Variants in PSMB6 observed in about 807,000 individuals in gnomAD.
PSMB6 encodes the protein proteasome subunit beta type-6.
Under a neutral mutation model 28.2 loss-of-function variants are expected in PSMB6, and 11 were observed. That is an observed-to-expected ratio of 0.39 (90% CI 0.25 to 0.65). PSMB6 has a LOEUF of 0.65. Among genes scored for constraint, PSMB6 ranks in the 30% least tolerant of loss-of-function variants. The pLI is 0.48. For missense variants in PSMB6, 268 were observed against 319.4 expected (o/e 0.84, Z 1.23); for synonymous variants, 126 against 117.7 (o/e 1.07, Z -0.45).
At chr17:4,797,088 T>G (rs956858112) in intron 2 of PSMB6, 2 of 434,276 alleles carry the variant, frequency 4.6e-6, no homozygotes, top group Non-Finnish European at 8.3e-6. Context: ...CCGAGGCGGG[T>G]GGATCACCTG....
intron 1 of PSMB6, 117 bp from the exon 2 acceptor site, chr17:4,796,611 A>C: frequency 9.8e-7 from 1 of 1,017,028 alleles, no homozygotes; most frequent in Non-Finnish European, 1.6e-6. Flanking sequence ...GGCCCCTATA[A>C]GATTTGAAAA....
Position 4,798,313 on chromosome 17 carries a change from G to GT in PSMB6, c.612dup (p.Gly205TrpfsTer?). On this transcript the variant is annotated frameshift_variant, in exon 6 of 6. Transcript: ENST00000270586. LOFTEE classifies it high-confidence loss of function. ...TTGGCCATGGAGCGGGATGGCTCCA[G>GT]TGGAGGAGTGATCCGCCTGGCAGCC... The GT allele has an allele frequency of 6.2e-7, 1 of 1,614,244 alleles. No homozygotes were observed. The highest frequency in any genetic ancestry group is 8.5e-7 in the Non-Finnish European group (1 of 1,180,044).
At chr17:4,798,194 A>G (rs749404827) in intron 5 of PSMB6, 41 bp downstream of exon 5, 1 of 1,613,602 alleles carries the variant, frequency 6.2e-7, no homozygotes, top group African/African-American at 1.3e-5. Flanking sequence ...TTCAACCCCA[A>G]CTACCCAAGC....
chr17:4,798,191 C>G, intron 5 of PSMB6, 38 bp downstream of exon 5: 2 of 1,613,520 alleles, frequency 1.2e-6, no homozygotes, highest in Non-Finnish European at 1.7e-6. Context: ...AGCTTCAACC[C>G]CAACTACCCA....
At chr17:4,797,368 G>A (rs1421243107) in intron 2 of PSMB6, 70 bp from the exon 3 acceptor site, 3 of 1,502,738 alleles carry the variant, frequency 2.0e-6, no homozygotes, top group African/African-American at 2.8e-5. Context: ...AGCCCTAAGA[G>A]AGTGGGTAGT....
At chr17:4,797,270 G>A (rs1452135905) in intron 2 of PSMB6, 168 bp from the exon 3 acceptor site, 22 of 780,164 alleles carry the variant, frequency 2.8e-5, no homozygotes, top group Admixed American at 6.3e-5. Flanking sequence ...AGCAGAGATC[G>A]CGTCACTGTA....
chr17:4,797,105 GGA>G (rs1905353179), intron 2 of PSMB6: 3 of 424,950 alleles, frequency 7.1e-6, no homozygotes, highest in Non-Finnish European at 1.3e-5. Flanking sequence ...CCTGAGGTCA[GGA>G]GTTCGAGACC....
At chr17:4,797,206 T>C in intron 2 of PSMB6, 1 of 515,078 alleles carries the variant, frequency 1.9e-6, no homozygotes, top group Non-Finnish European at 3.3e-6. Flanking sequence ...TCCCAGCTAC[T>C]TGGGAGGCTA....
rs540387474 is a variant in PSMB6 at position 4,797,978 on chromosome 17, G to A, written c.433-31G>A. ...TGTACGTGTGTTGGAGGGAGGATAC[G>A]ACTGGTGACTCCTCTCCTTCTATCT... On this transcript the variant is annotated intron_variant, in intron 4 of 5. Transcript: ENST00000270586. 2.5e-5 allele frequency: 40 copies of A among 1,613,440 alleles called. No individual in the cohort carries two copies. In the South Asian group the frequency reaches 4.0e-4, roughly 16 times the overall value.
chr17:4,797,307 T>G (rs372151134), intron 2 of PSMB6, 131 bp from the exon 3 acceptor site: 1 of 1,166,136 alleles, frequency 8.6e-7, no homozygotes, highest in Non-Finnish European at 1.2e-6. Context: ...AGAGCGAGAC[T>G]CCATCTCAAA....
At chr17:4,797,060 T>A (rs113658283) in intron 2 of PSMB6, 4 of 481,000 alleles carry the variant, frequency 8.3e-6, no homozygotes, top group African/African-American at 5.9e-5. Context: ...ACGCCTGTAA[T>A]CCCAGTACTT....
Position 4,796,738 on chromosome 17 carries a change from T to C in PSMB6, c.113T>C (p.Met38Thr). The change falls in exon 2 of 6, where the codon ATG becomes ACG. Residue 38 changes from methionine (M) to threonine (T), a missense_variant. By Grantham distance (81) the Met-to-Thr change is moderately conservative. Transcript: ENST00000270586. ...SREVSTGTTIMAVQFDGGVVL... is the reference protein window; with the variant it reads ...SREVSTGTTITAVQFDGGVVL... ...TTTCCCTTTTCCCAGACCACTATCA[T>C]GGCCGTGCAGTTTGACGGGGGCGTG... The C allele has an allele frequency of 2.5e-6, 4 of 1,606,088 alleles. No individual in the cohort carries two copies. The highest frequency in any genetic ancestry group is 1.7e-4 in the Middle Eastern group (1 of 6,048).
intron 1 of PSMB6, 67 bp from the exon 2 acceptor site, chr17:4,796,661 G>A (rs1567516969): frequency 7.1e-7 from 1 of 1,401,446 alleles, no homozygotes; most frequent in Non-Finnish European, 1.0e-6. Flanking sequence ...TTGGAACTAG[G>A]TAGAGAGATC....
Position 4,797,730 on chromosome 17 carries a change from T to C in PSMB6, c.351T>C (p.Phe117=), listed in dbSNP as rs1905382817. 2 of 1,614,096 alleles carry C rather than the reference T, an allele frequency of 1.2e-6. No individual in the cohort carries two copies. The highest frequency in any genetic ancestry group is 8.5e-7 in the Non-Finnish European group (1 of 1,180,024). Residue 117 remains phenylalanine (F), a synonymous_variant, in exon 4 of 6, where the codon TTT becomes TTC. Coordinates refer to ENST00000270586, the MANE Select transcript of PSMB6 (RefSeq NM_002798.3). ...TGGTCCACACAGCAGCCAGCCTCTTTAAGGAGATGTGTTACCGATACCGGG... is the reference window on the plus strand; with the variant it reads ...TGGTCCACACAGCAGCCAGCCTCTTCAAGGAGATGTGTTACCGATACCGGG... ...PPLVHTAASL[F]KEMCYRYRED... is the part of the protein sequence containing the mutation.
rs1905412277 is a variant in PSMB6, at chr17:4,798,412, C to T, written c.710C>T (p.Pro237Leu). The T allele has an allele frequency of 2.5e-6, 4 of 1,614,094 alleles. No homozygotes were observed. The African/African-American group carries it at 4.0e-5, about 16-fold the overall frequency. Residue 237 changes from proline to leucine, a missense_variant, in exon 6 of 6, where the codon CCA (proline) becomes CTA (leucine). Pro to Leu is a moderately conservative substitution (Grantham distance 98). Coordinates refer to ENST00000270586, the MANE Select transcript of PSMB6 (RefSeq NM_002798.3). ...QIPKFAVATL[P>L]PA ...CCCAAATTCGCCGTTGCCACTTTACCACCCGCCTGAATCCTGGGATTCTAG... is the reference window on the plus strand; with the variant it reads ...CCCAAATTCGCCGTTGCCACTTTACTACCCGCCTGAATCCTGGGATTCTAG...
rs143180926 is a variant in PSMB6 at position 4,798,398 on chromosome 17, C to T, written c.696C>T (p.Ala232=). 8.6e-5 allele frequency: 138 copies of T among 1,614,036 alleles called. No homozygotes were observed. Among genetic ancestry groups the T allele is most frequent in the Non-Finnish European group, 1.1e-4 (127 of 1,180,030 alleles). The change falls in exon 6 of 6, where the codon GCC becomes GCT. Residue 232 remains alanine (A), a synonymous_variant. Coordinates refer to ENST00000270586, the MANE Select transcript of PSMB6 (RefSeq NM_002798.3). The part of the protein sequence containing the change: ...VLLGDQIPKF[A]VATLPPA Reference sequence around the variant, plus strand: ...TGGGAGACCAGATACCCAAATTCGCCGTTGCCACTTTACCACCCGCCTGAA... The same window carrying T: ...TGGGAGACCAGATACCCAAATTCGCTGTTGCCACTTTACCACCCGCCTGAA...
At chr17:4,796,701 G>A (rs377737276) in intron 1 of PSMB6, 27 bp from the exon 2 acceptor site, 242 of 1,553,538 alleles carry the variant, frequency 1.6e-4, no homozygotes, top group Non-Finnish European at 1.9e-4. Flanking sequence ...GGAGAATGTA[G>A]ACTTACTCCT....
chr17:4,797,287 C>T, intron 2 of PSMB6, 151 bp from the exon 3 acceptor site: 1 of 973,542 alleles, frequency 1.0e-6, no homozygotes, highest in Non-Finnish European at 1.5e-6. Flanking sequence ...TGTACTCCAG[C>T]CTGGGCAACA....
rs1057277968 is a variant in PSMB6, at chr17:4,797,700, T to C, written c.321T>C (p.Pro107=). 1 of 1,614,064 alleles carries C rather than the reference T, an allele frequency of 6.2e-7. No individual in the cohort carries two copies. The highest frequency in any genetic ancestry group is 8.5e-7 in the Non-Finnish European group (1 of 1,180,012). ...CCTCTAGCATTGAACTGAATGAGCCTCCACTGGTCCACACAGCAGCCAGCC... is the reference window on the plus strand; with the variant it reads ...CCTCTAGCATTGAACTGAATGAGCCCCCACTGGTCCACACAGCAGCCAGCC... ...LGFHSIELNE[P]PLVHTAASLF... is the part of the protein sequence containing the mutation. Residue 107 remains proline, a synonymous_variant, in exon 4 of 6, where the codon CCT becomes CCC. Transcript: ENST00000270586.
Sources: allele counts gnomAD v4.1 joint callset, GRCh38; gene constraint gnomAD v4.1.1; transcripts MANE v1.5; gene names NCBI Gene and HGNC (gene_info 2026-07-23, HGNC 2026-07-21).